The following IL27RA variants were observed in gnomAD, a reference collection of about 807,000 sequenced individuals.
The protein encoded by IL27RA is interleukin-27 receptor subunit alpha.
A neutral mutation model predicts 80.8 loss-of-function variants in IL27RA; 61 were observed. The ratio of observed to expected loss-of-function variants is 0.76; its 90% confidence interval spans 0.61 to 0.93. The LOEUF is 0.93. Among genes scored for constraint, IL27RA ranks in the 40% least tolerant of loss-of-function variants. The pLI, the probability that IL27RA is intolerant of heterozygous loss-of-function variation, is 0.00. For missense variants in IL27RA, 735 were observed against 808.1 expected, an observed-to-expected ratio of 0.91 and a Z score of 1.10; for synonymous variants, 316 against 332.5, an observed-to-expected ratio of 0.95 and a Z score of 0.54.
intron 2 of IL27RA, among the ~76,000 whole-genome samples, chr19:14,036,310 G>A (rs1215818611): frequency 6.6e-6 from 1 of 151,716 alleles, no homozygotes; most frequent in African/African-American, 2.4e-5. Context: ...GTACTCTTTG[G>A]CCATCATCTT....
Position 14,046,319 on chromosome 19 carries a change from C to G in IL27RA, c.934C>G (p.Leu312Val). ...NATSWEPLTN[L>V]SLVCLDSASA... Reference sequence around the variant, plus strand: ...CACAAGCTGGGAGCCTCTCACCAACCTCTCTTTGGTCTGCTTGGGTAAGAG... The same window carrying G: ...CACAAGCTGGGAGCCTCTCACCAACGTCTCTTTGGTCTGCTTGGGTAAGAG... The change falls in exon 7 of 14, where the codon CTC becomes GTC. Residue 312 changes from leucine (L) to valine (V), a missense_variant. Physicochemically the swap from Leu to Val is conservative, Grantham distance 32. Coordinates refer to ENST00000263379, the MANE Select transcript of IL27RA (RefSeq NM_004843.4). 6.2e-7 allele frequency: 1 copy of G among 1,613,894 alleles called. No homozygotes were observed. The highest frequency in any genetic ancestry group is 1.6e-4 in the Middle Eastern group (1 of 6,062).
chr19:14,046,600 C>T lies in IL27RA; in HGVS notation c.1123C>T (p.Leu375Phe), dbSNP rs780843071. 1 of 1,607,776 alleles carries T rather than the reference C, an allele frequency of 6.2e-7. No individual in the cohort carries two copies. The highest frequency in any genetic ancestry group is 8.5e-7 in the Non-Finnish European group (1 of 1,176,686). Reference protein sequence around the residue: ...LNWVRLPPGNLSALLPGNFTV... With the variant: ...LNWVRLPPGNFSALLPGNFTV... ...CTGGGTCCGGCTTCCCCCTGGGAAC[C>T]TCAGTGCTCTGTTACCAGGTGAGGC... The change falls in exon 8 of 14, where the codon CTC (leucine) becomes TTC (phenylalanine). Residue 375 changes from leucine (L) to phenylalanine (F), a missense_variant. Physicochemically the swap from Leu to Phe is conservative, Grantham distance 22. Coordinates refer to ENST00000263379, the MANE Select transcript of IL27RA (RefSeq NM_004843.4).
In IL27RA at chr19:14,051,635, G is replaced by A. The variant is rs376443089; in HGVS notation, c.1557G>A (p.Pro519=). 3.3e-4 allele frequency: 538 copies of A among 1,612,210 alleles called. No individual in the cohort carries two copies. The highest frequency in any genetic ancestry group is 3.9e-4 in the Non-Finnish European group (462 of 1,178,818). ...ACACCCTGAGGTGGAAAGTTCTGCC[G>A]GGCATCCTATTCTTGTGGGGCTTGT... ...PDNTLRWKVL[P]GILFLWGLFL... The change falls in exon 12 of 14, where the codon CCG becomes CCA. Residue 519 remains proline, a synonymous_variant. Coordinates refer to ENST00000263379, the MANE Select transcript of IL27RA (RefSeq NM_004843.4).
In IL27RA at chr19:14,052,146, G is replaced by A. The variant is rs1240167622; in HGVS notation, c.1767G>A (p.Glu589=). The A allele has an allele frequency of 6.2e-7, 1 of 1,613,082 alleles. No individual in the cohort carries two copies. Among genetic ancestry groups the A allele is most frequent in the African/African-American group, 1.3e-5 (1 of 74,906 alleles). Residue 589 remains glutamate, a synonymous_variant, in exon 14 of 14, where the codon GAG becomes GAA. Coordinates refer to ENST00000263379, the MANE Select transcript of IL27RA (RefSeq NM_004843.4). ...GGGACTTGCCCATCCTGGAAGTGGA[G>A]GAGATGGAGCCCCCGCCGGTTATGG... The part of the protein sequence containing the change: ...PLGDLPILEV[E]EMEPPPVMES...
At chr19:14,041,853 G>A (rs530953855) in intron 4 of IL27RA, among the ~76,000 whole-genome samples, 1 of 152,022 alleles carries the variant, frequency 6.6e-6, no homozygotes, top group East Asian at 1.9e-4. Flanking sequence ...ATCACCTAAG[G>A]TCAGGAGTTC....
In IL27RA at chr19:14,044,026, C is replaced by A. The variant is rs567150155; in HGVS notation, c.768+1237C>A. ...TCGAGCCACTGCACTCCAGTCTGGG[C>A]AACAAGAGCAAGACTCTGTCTCACA... is the stretch of plus-strand genomic sequence containing the variant. On this transcript the variant is annotated intron_variant, in intron 6 of 13. Transcript: ENST00000263379. Among the ~76,000 whole-genome samples, 194 of 113,594 alleles carry A rather than the reference C, an allele frequency of 1.7e-3. 1 individual carries two copies. Among genetic ancestry groups the A allele is most frequent in the Middle Eastern group, 6.3e-3 (1 of 158 alleles). The allele number at this position is 113,594 out of a possible 152,430, so 74.5% of individuals were successfully genotyped here.
intron 2 of IL27RA, among the ~76,000 whole-genome samples, chr19:14,036,447 G>A (rs1218752416): frequency 6.7e-6 from 1 of 149,494 alleles, no homozygotes; most frequent in Non-Finnish European, 1.5e-5. Flanking sequence ...GTAACATAAT[G>A]TTCGCCATTT....
At position 14,032,469 on chromosome 19, in the gene IL27RA, G is replaced by A; in HGVS notation, c.184G>A (p.Ala62Thr). ...GTGGGAGCCTCTTGGGGACCTGGGA[G>A]CCCCCTCCGAGTTACACCTCCAGAG... ...CSWEPLGDLG[A>T]PSELHLQSQK... Residue 62 changes from alanine (A) to threonine (T), a missense_variant, in exon 2 of 14, where the codon GCC becomes ACC. By Grantham distance (58) the Ala-to-Thr change is moderately conservative (BLOSUM62 0). Coordinates refer to ENST00000263379, the MANE Select transcript of IL27RA (RefSeq NM_004843.4). The A allele has an allele frequency of 6.2e-7, 1 of 1,613,554 alleles. No individual in the cohort carries two copies. The highest frequency in any genetic ancestry group is 8.5e-7 in the Non-Finnish European group (1 of 1,179,756).
intron 1 of IL27RA, 100 bp from the exon 2 acceptor site, chr19:14,032,286 C>T (rs897073841): frequency 2.3e-5 from 21 of 928,672 alleles, no homozygotes; most frequent in East Asian, 1.2e-4. Context: ...TTCCCTAAGC[C>T]CCCCCACCTT....
intron 10 of IL27RA, 28 bp from the exon 11 acceptor site, chr19:14,050,730 C>T (rs185325326): frequency 1.0e-3 from 1,637 of 1,596,196 alleles, no homozygotes; most frequent in Non-Finnish European, 1.3e-3. Context: ...TTGACCACCT[C>T]CCCAACTTCT....
In IL27RA at chr19:14,050,756, A is replaced by G. The variant is rs1294514383; in HGVS notation, c.1403-2A>G. On this transcript the variant is annotated splice_acceptor_variant, in intron 10 of 13. Transcript: ENST00000263379. LOFTEE classifies it high-confidence loss of function. ...CCCAACTTCTTTGGTTGTGTTCTCC[A>G]GTGAGTGGCAACACACAGAGTGTCA... The G allele has an allele frequency of 1.1e-5, 17 of 1,609,888 alleles. No individual in the cohort carries two copies. Among genetic ancestry groups the G allele is most frequent in the Non-Finnish European group, 1.4e-5 (17 of 1,176,944 alleles).
rs1975833029 is a variant in IL27RA at position 14,032,421 on chromosome 19, C to T, written c.136C>T (p.Pro46Ser). The change falls in exon 2 of 14, where the codon CCC (proline) becomes TCC (serine). Residue 46 changes from proline (P) to serine (S), a missense_variant. Coordinates refer to ENST00000263379, the MANE Select transcript of IL27RA (RefSeq NM_004843.4). Reference sequence around the variant, plus strand: ...GCCACTGCAGTGCTACGGAGTTGGACCCTTGGGCGACTTGAACTGCTCGTG... The same window carrying T: ...GCCACTGCAGTGCTACGGAGTTGGATCCTTGGGCGACTTGAACTGCTCGTG... Reference protein sequence around the residue: ...AGPLQCYGVGPLGDLNCSWEP... With the variant: ...AGPLQCYGVGSLGDLNCSWEP... 6.2e-7 allele frequency: 1 copy of T among 1,613,718 alleles called. No individual in the cohort carries two copies. The highest frequency in any genetic ancestry group is 1.3e-5 in the African/African-American group (1 of 74,840).
At chr19:14,041,399 G>C (rs753206128) in intron 4 of IL27RA, among the ~76,000 whole-genome samples, 1 of 144,550 alleles carries the variant, frequency 6.9e-6, no homozygotes, top group African/African-American at 2.6e-5. Context: ...ATGGGGTTTC[G>C]CTATTTGGCC....
chr19:14,039,917 G>C lies in IL27RA; in HGVS notation c.534+7G>C, dbSNP rs757216991. ...GGAGGCGGCCTGGACCCTGGTGAGT[G>C]CTGGGGTCCTTTTCTCCCCACCCTA... On this transcript the variant is annotated splice_region_variant and intron_variant, in intron 4 of 13. Transcript: ENST00000263379. 1 of 1,613,114 alleles carries C rather than the reference G, an allele frequency of 6.2e-7. No homozygotes were observed. Among genetic ancestry groups the C allele is most frequent in the Non-Finnish European group, 8.5e-7 (1 of 1,179,448 alleles).
chr19:14,038,615 T>C (rs941855091), intron 2 of IL27RA, among the ~76,000 whole-genome samples: 108 of 146,754 alleles, frequency 7.4e-4, no homozygotes, highest in African/African-American at 2.6e-3. Context: ...CCGGGCGCAG[T>C]GGCTCACGCC....
intron 10 of IL27RA, among the ~76,000 whole-genome samples, chr19:14,050,327 C>T (rs1280895386): frequency 6.6e-6 from 1 of 151,872 alleles, no homozygotes; most frequent in Non-Finnish European, 1.5e-5. Flanking sequence ...TATGGTGAAA[C>T]CCAGTCTCTA....
chr19:14,043,103 C>G (rs1976016438), intron 6 of IL27RA, among the ~76,000 whole-genome samples: 1 of 152,072 alleles, frequency 6.6e-6, no homozygotes, highest in Non-Finnish European at 1.5e-5. Flanking sequence ...GATCACACCA[C>G]TGCACTCCAG....
At chr19:14,050,384 C>G (rs527268756) in intron 10 of IL27RA, among the ~76,000 whole-genome samples, 3 of 151,768 alleles carry the variant, frequency 2.0e-5, no homozygotes, top group African/African-American at 7.3e-5. Context: ...CACCTGTAGT[C>G]CCAGCTACTC....
In IL27RA at chr19:14,031,879, G is replaced by A. The variant is rs746403197; in HGVS notation, c.7G>A (p.Gly3Arg). The change falls in exon 1 of 14, where the codon GGA becomes AGA. Residue 3 changes from glycine (G) to arginine (R), a missense_variant. Gly to Arg is a moderately radical substitution (Grantham distance 125). Transcript: ENST00000263379. Reference protein sequence around the residue: MRGGRGAPFWLWP... With the variant: MRRGRGAPFWLWP... ...GGGGCTCCCGAGGGACGCCATGCGGGGAGGCAGGGGCGCCCCTTTCTGGCT... is the reference window on the plus strand; with the variant it reads ...GGGGCTCCCGAGGGACGCCATGCGGAGAGGCAGGGGCGCCCCTTTCTGGCT... 5.0e-6 allele frequency: 8 copies of A among 1,597,690 alleles called. No individual in the cohort carries two copies. The Admixed American group carries it at 5.2e-5, about 10-fold the overall frequency.
Sources: gnomAD v4.1 joint callset for allele counts (sites outside exome capture counted in the v4.1 genomes callset) on GRCh38, gnomAD v4.1.1 for gene constraint, MANE v1.5 for transcripts, NCBI Gene and HGNC (gene_info 2026-07-23, HGNC 2026-07-21) for gene names.